RAP1A: variants seen among roughly 807,000 people sequenced by gnomAD.
RAP1A encodes the protein RAP1A, member of RAS oncogene family.
Under a neutral mutation model 26.4 loss-of-function variants are expected in RAP1A, and 6 were observed. The observed-to-expected ratio is 0.23, with a 90% CI of 0.12 to 0.45. The LOEUF (loss-of-function observed/expected upper bound fraction) is 0.45. Ranked by LOEUF, RAP1A falls within the 20% of genes least tolerant of loss-of-function variation. The pLI is 0.99. For synonymous variants in RAP1A, 73 were observed against 79.4 expected (o/e 0.92, Z 0.43); for missense variants, 121 against 217.2 (o/e 0.56, Z 2.78).
intron 4 of RAP1A, among the ~76,000 whole-genome samples, chr1:111,699,644 A>AT (rs1375474943): frequency 2.7e-5 from 4 of 147,188 alleles, no homozygotes; most frequent in African/African-American, 1.0e-4. Context: ...TTTTTTTTTA[A>AT]TTTTTTGTAG....
At chr1:111,558,392 G>A (rs1384139156) in intron 1 of RAP1A, among the ~76,000 whole-genome samples, 1 of 150,572 alleles carries the variant, frequency 6.6e-6, no homozygotes, top group African/African-American at 2.4e-5. Flanking sequence ...TTGCCATGTT[G>A]CCCAAGCTGG....
Position 111,695,339 on chromosome 1 carries a change from A to C in RAP1A, c.58-2A>C. The C allele has an allele frequency of 6.4e-7, 1 of 1,565,876 alleles. No individual in the cohort carries two copies. ...TAATATTTCTCTTTTTTTTTCCCCCAGACAGTTCAGTTTGTTCAGGGAATT... is the reference window on the plus strand; with the variant it reads ...TAATATTTCTCTTTTTTTTTCCCCCCGACAGTTCAGTTTGTTCAGGGAATT... On this transcript the variant is annotated splice_acceptor_variant, in intron 2 of 7. Transcript: ENST00000369709. LOFTEE classifies it high-confidence loss of function.
intron 1 of RAP1A, among the ~76,000 whole-genome samples, chr1:111,566,150 G>A (rs1271355072): frequency 6.6e-6 from 1 of 152,154 alleles, no homozygotes; most frequent in Non-Finnish European, 1.5e-5. Flanking sequence ...GAGCTACCGA[G>A]GGAAGACACC....
chr1:111,701,589 T>C (rs1662025225), intron 4 of RAP1A, among the ~76,000 whole-genome samples: 1 of 152,206 alleles, frequency 6.6e-6, no homozygotes, highest in Non-Finnish European at 1.5e-5. Context: ...TGGATATTTG[T>C]TGTGAATGGA....
intron 1 of RAP1A, among the ~76,000 whole-genome samples, chr1:111,657,655 C>T (rs958240537): frequency 1.3e-4 from 20 of 152,134 alleles, no homozygotes; most frequent in African/African-American, 4.3e-4. Context: ...CCCAACTCTT[C>T]ATTCTTTTGC....
intron 1 of RAP1A, among the ~76,000 whole-genome samples, chr1:111,634,558 A>C (rs1197216787): frequency 6.7e-6 from 1 of 150,218 alleles, no homozygotes; most frequent in Non-Finnish European, 1.5e-5. Context: ...TATATGTCAT[A>C]TATTTTATTT....
At chr1:111,706,722 A>G (rs1203320966) in intron 6 of RAP1A, 1 of 985,434 alleles carries the variant, frequency 1.0e-6, no homozygotes, top group Non-Finnish European at 1.2e-6. Context: ...CAGCATTTCT[A>G]ACCAAATATT....
At chr1:111,593,652 CTTTTTTTTT>C (rs994763442) in intron 1 of RAP1A, among the ~76,000 whole-genome samples, 3 of 65,376 alleles carry the variant, frequency 4.6e-5, no homozygotes, top group African/African-American at 6.2e-5. Flanking sequence ...ATGACTCCTA[CTTTTTTTTT>C]TTTTTTTTTT....
intron 1 of RAP1A, among the ~76,000 whole-genome samples, chr1:111,653,580 A>G (rs1660348136): frequency 1.4e-5 from 2 of 147,310 alleles, no homozygotes; most frequent in South Asian, 4.4e-4. Flanking sequence ...GCTACGTGGG[A>G]GGCTGAGGCA....
At chr1:111,692,798 A>G (rs1661709760) in intron 2 of RAP1A, among the ~76,000 whole-genome samples, 1 of 152,194 alleles carries the variant, frequency 6.6e-6, no homozygotes, top group African/African-American at 2.4e-5. Context: ...GGCTGAGGGT[A>G]GATACCTGTA....
intron 1 of RAP1A, among the ~76,000 whole-genome samples, chr1:111,550,167 G>T (rs1165266427): frequency 2.6e-5 from 4 of 152,114 alleles, no homozygotes; most frequent in African/African-American, 9.7e-5. Context: ...AAGATTGATA[G>T]TAAGGTGCCT....
At chr1:111,621,144 G>C (rs1659190298) in intron 1 of RAP1A, among the ~76,000 whole-genome samples, 1 of 152,168 alleles carries the variant, frequency 6.6e-6, no homozygotes, top group Non-Finnish European at 1.5e-5. Flanking sequence ...ATTACAGTAA[G>C]AATAAAGTAT....
At chr1:111,679,516 T>C (rs978408208) in intron 1 of RAP1A, among the ~76,000 whole-genome samples, 3 of 152,038 alleles carry the variant, frequency 2.0e-5, no homozygotes, top group Non-Finnish European at 4.4e-5. Flanking sequence ...TCTTTTCTTT[T>C]CTTTTTTTTT....
At position 111,691,326 on chromosome 1, in the gene RAP1A, T is replaced by C; in HGVS notation, c.-27-8T>C. The C allele has an allele frequency of 6.3e-7, 1 of 1,589,106 alleles. No homozygotes were observed. ...TCTTAATCTTTGATTTTTTTGTTTG[T>C]TTTTCAGATCGTCAGTATTTAAACA... On this transcript the variant is annotated splice_region_variant and splice_polypyrimidine_tract_variant and intron_variant, in intron 1 of 7. Transcript: ENST00000369709.
intron 1 of RAP1A, among the ~76,000 whole-genome samples, chr1:111,595,867 C>T (rs866546623): frequency 9.9e-5 from 15 of 152,280 alleles, no homozygotes; most frequent in Non-Finnish European, 2.9e-5. Context: ...AGTAAAGGAG[C>T]ATGTGCTCCA....
At chr1:111,706,477 T>C (rs1303162300) in intron 6 of RAP1A, among the ~76,000 whole-genome samples, 2 of 151,960 alleles carry the variant, frequency 1.3e-5, no homozygotes, top group Admixed American at 6.6e-5. Flanking sequence ...TATATAATTT[T>C]TCAAAAACTC....
chr1:111,610,931 C>A (rs1212118012), intron 1 of RAP1A, among the ~76,000 whole-genome samples: 1 of 151,760 alleles, frequency 6.6e-6, no homozygotes, highest in African/African-American at 2.4e-5. Flanking sequence ...AGCAAATATT[C>A]AGAAAGTGAC....
At position 111,569,990 on chromosome 1, in the gene RAP1A, C is replaced by G. The variant is rs552502678; in HGVS notation, c.-28+27481C>G. Among the ~76,000 whole-genome samples, 4 of 152,252 alleles carry G rather than the reference C, an allele frequency of 2.6e-5. No individual in the cohort carries two copies. The South Asian group carries it at 8.3e-4, about 32-fold the overall frequency. On this transcript the variant is annotated intron_variant, in intron 1 of 7. Transcript: ENST00000356415. ...GAAAATATAAAAGCAAAGTGTAAAA[C>G]GTCAGGGAGGAAACTGCTTGAGTGC... is the stretch of plus-strand genomic sequence containing the variant.
At chr1:111,706,281 C>T (rs1662188882) in intron 6 of RAP1A, among the ~76,000 whole-genome samples, 1 of 152,066 alleles carries the variant, frequency 6.6e-6, no homozygotes, top group Non-Finnish European at 1.5e-5. Context: ...AATCCAGCTA[C>T]AGGATTTCTT....
Sources: gnomAD v4.1 joint callset for allele counts (sites outside exome capture counted in the v4.1 genomes callset) on GRCh38, gnomAD v4.1.1 for gene constraint, MANE v1.5 for transcripts, NCBI Gene and HGNC (gene_info 2026-07-23, HGNC 2026-07-21) for gene names.